SDK1: variants seen among roughly 807,000 people sequenced by gnomAD.
The protein encoded by SDK1 is protein sidekick-1.
SDK1 carries 157 observed loss-of-function variants against 245.5 expected under a neutral mutation model. The ratio of observed to expected loss-of-function variants is 0.64; its 90% CI spans 0.56 to 0.73. SDK1 has a LOEUF of 0.73. Ranked by LOEUF, SDK1 falls within the 30% of genes least tolerant of loss-of-function variation. The probability of loss-of-function intolerance (pLI) is 0.00; values close to 1 mark genes in which losing one functional copy is unlikely to be tolerated. For missense variants in SDK1, 3,583 were observed against 3,002.3 expected, an observed-to-expected ratio of 1.19 and a Z score of -4.52; for synonymous variants, 1,647 against 1,278.5, an observed-to-expected ratio of 1.29 and a Z score of -6.15.
At chr7:3,312,098 T>A (rs1446307006) in intron 1 of SDK1, among the ~76,000 whole-genome samples, 2 of 152,170 alleles carry the variant, frequency 1.3e-5, no homozygotes, top group African/African-American at 4.8e-5. Context: ...GGGGTTGTGA[T>A]CATTAGGAAT....
In SDK1 at chr7:3,528,583, T is replaced by C. The variant is rs562788777; in HGVS notation, c.299-90497T>C. Among the ~76,000 whole-genome samples, 9 of 152,190 alleles carry C rather than the reference T, an allele frequency of 5.9e-5. No individual in the cohort carries two copies. In the South Asian group the frequency reaches 1.7e-3, roughly 28 times the overall value. ...GCTGTCTGGAGAATCAACCATAGGA[T>C]TGCAAGAGAGATCACGTAGGAGATT... On this transcript the variant is annotated intron_variant, in intron 1 of 44. Coordinates refer to ENST00000404826, the MANE Select transcript of SDK1 (RefSeq NM_152744.4).
At chr7:3,928,246 T>A (rs1299659215) in intron 5 of SDK1, among the ~76,000 whole-genome samples, 3 of 152,196 alleles carry the variant, frequency 2.0e-5, no homozygotes, top group Admixed American at 6.5e-5. Context: ...AAAGTACAAG[T>A]GGAGTTTTTT....
chr7:3,853,491 T>C (rs1183685848), intron 5 of SDK1, among the ~76,000 whole-genome samples: 3 of 152,206 alleles, frequency 2.0e-5, no homozygotes, highest in Non-Finnish European at 2.9e-5. Flanking sequence ...TTTATATATA[T>C]GCATTTGTAT....
intron 1 of SDK1, among the ~76,000 whole-genome samples, chr7:3,578,706 C>T (rs1268925399): frequency 6.6e-6 from 1 of 151,632 alleles, no homozygotes; most frequent in African/African-American, 2.4e-5. Flanking sequence ...GCTTGCACAT[C>T]CGTTTATAGG....
chr7:3,790,669 G>A (rs779372587), intron 4 of SDK1, among the ~76,000 whole-genome samples: 1 of 152,156 alleles, frequency 6.6e-6, no homozygotes, highest in Admixed American at 6.5e-5. Flanking sequence ...ATCTGGGCAT[G>A]GTGACGCATG....
intron 4 of SDK1, among the ~76,000 whole-genome samples, chr7:3,756,055 G>A (rs1412192515): frequency 4.1e-5 from 5 of 122,090 alleles, no homozygotes; most frequent in South Asian, 5.4e-4. Flanking sequence ...TGTATATCGT[G>A]GTTTTAAATC....
At chr7:3,825,834 A>T (rs1384511469) in intron 5 of SDK1, among the ~76,000 whole-genome samples, 4 of 152,202 alleles carry the variant, frequency 2.6e-5, no homozygotes, top group Admixed American at 6.5e-5. Context: ...AGAGGGGAAC[A>T]GGCAGATGCC....
chr7:3,576,571 C>G (rs1010990499), intron 1 of SDK1, among the ~76,000 whole-genome samples: 1 of 151,996 alleles, frequency 6.6e-6, no homozygotes, highest in South Asian at 2.1e-4. Context: ...TTTGGTTGTA[C>G]TTTAGTAAAT....
intron 1 of SDK1, among the ~76,000 whole-genome samples, chr7:3,432,288 C>T (rs933491772): frequency 2.6e-5 from 4 of 151,642 alleles, no homozygotes; most frequent in African/African-American, 4.8e-5. Context: ...TCAAATTGGT[C>T]GTGGCATTGG....
chr7:3,565,407 G>A (rs764929264), intron 1 of SDK1, among the ~76,000 whole-genome samples: 1 of 152,168 alleles, frequency 6.6e-6, no homozygotes, highest in Non-Finnish European at 1.5e-5. Context: ...TACCTCTGCT[G>A]CTACTTAACA....
intron 4 of SDK1, among the ~76,000 whole-genome samples, chr7:3,818,587 A>T (rs1475868904): frequency 6.6e-6 from 1 of 152,222 alleles, no homozygotes; most frequent in Non-Finnish European, 1.5e-5. Context: ...AAAAGATGTC[A>T]TCGCATGTGC....
At chr7:3,993,305 G>A (rs1356459187) in intron 14 of SDK1, among the ~76,000 whole-genome samples, 1 of 152,152 alleles carries the variant, frequency 6.6e-6, no homozygotes, top group African/African-American at 2.4e-5. Context: ...TGAAACAGAA[G>A]AATGGTGGCC....
chr7:3,990,974 G>T (rs979045219), intron 14 of SDK1, among the ~76,000 whole-genome samples: 7 of 152,244 alleles, frequency 4.6e-5, no homozygotes, highest in Non-Finnish European at 8.8e-5. Context: ...GGTGAAGCCA[G>T]CTGGGCATCT....
chr7:3,801,886 A>G (rs1779115618), intron 4 of SDK1, among the ~76,000 whole-genome samples: 1 of 151,628 alleles, frequency 6.6e-6, no homozygotes, highest in Non-Finnish European at 1.5e-5. Flanking sequence ...CTCCCTGAAA[A>G]CTCCAGTGAG....
At chr7:3,524,923 A>G (rs1247787000) in intron 1 of SDK1, among the ~76,000 whole-genome samples, 1 of 152,202 alleles carries the variant, frequency 6.6e-6, no homozygotes, top group Non-Finnish European at 1.5e-5. Context: ...ATGCTGTAAG[A>G]GAGTGGGATT....
chr7:3,819,763 C>A (rs191830764), intron 4 of SDK1, among the ~76,000 whole-genome samples: 1 of 152,066 alleles, frequency 6.6e-6, no homozygotes, highest in Non-Finnish European at 1.5e-5. Flanking sequence ...GTAATATATC[C>A]TATGGGAACC....
At chr7:3,698,916 G>A (rs982110407) in intron 4 of SDK1, among the ~76,000 whole-genome samples, 2 of 152,148 alleles carry the variant, frequency 1.3e-5, no homozygotes, top group African/African-American at 4.8e-5. Flanking sequence ...CAGTTGGGGA[G>A]GACACAAAGG....
intron 1 of SDK1, among the ~76,000 whole-genome samples, chr7:3,425,208 G>T (rs1198643206): frequency 6.6e-6 from 1 of 151,656 alleles, no homozygotes; most frequent in Non-Finnish European, 1.5e-5. Context: ...TGCTGTTGAA[G>T]TGAAGTGAGC....
At chr7:3,932,857 A>T (rs1437527913) in intron 5 of SDK1, among the ~76,000 whole-genome samples, 1 of 152,264 alleles carries the variant, frequency 6.6e-6, no homozygotes, top group East Asian at 1.9e-4. Context: ...CCCCCAAAAG[A>T]AGCCAACACC....
Sources: allele counts gnomAD v4.1 joint callset (sites outside exome capture counted in the v4.1 genomes callset), GRCh38; gene constraint gnomAD v4.1.1; transcripts MANE v1.5; gene names NCBI Gene and HGNC (gene_info 2026-07-23, HGNC 2026-07-21).